ZFY: variants seen among roughly 807,000 people sequenced by gnomAD.
The protein encoded by ZFY is zinc finger Y-chromosomal protein.
For synonymous variants in ZFY, 47 were observed against 55.8 expected (o/e 0.84, Z 0.71); for missense variants, 113 against 170.9 (o/e 0.66, Z 1.89).
chrY:2,963,372 C>T (rs953015634), intron 3 of ZFY, among the ~76,000 whole-genome samples: 1 of 32,971 alleles, frequency 3.0e-5, no homozygotes, highest in African/African-American at 1.2e-4. Context: ...CAAAAGTGCT[C>T]ACTGTTACAC....
rs2051211427 is a variant in ZFY, at chrY:2,935,497, C to T, written c.-301C>T. ...GCGGGGCCTAGTGCGCGCGCAGTAA[C>T]CTGTTTGTGGCCTGGTCGGCGTCCC... On this transcript the variant is annotated 5_prime_UTR_variant, in exon 1 of 8. Transcript: ENST00000155093. 2.9e-5 allele frequency: 1 copy of T among 34,720 alleles called. No homozygotes were observed. Among genetic ancestry groups the T allele is most frequent in the Non-Finnish European group, 7.4e-5 (1 of 13,573 alleles). The allele number at this position is 34,720 out of a possible 400,897, so 8.7% of individuals were successfully genotyped here. A position where few individuals can be genotyped will look rare whatever the true frequency, so the allele number is the denominator to read the frequency against.
chrY:2,945,040 C>T, intron 1 of ZFY, among the ~76,000 whole-genome samples: 1 of 32,271 alleles, frequency 3.1e-5, no homozygotes, highest in African/African-American at 1.2e-4. Flanking sequence ...GCCACCATGC[C>T]TGGCCATGAA....
At chrY:2,978,224 A>T in intron 7 of ZFY, 144 bp downstream of exon 7, 1 of 153,077 alleles carries the variant, frequency 6.5e-6, no homozygotes, top group Non-Finnish European at 1.1e-5. Context: ...TTGTGCATCA[A>T]CCATTCAGGA....
chrY:2,956,174 A>T, intron 2 of ZFY, among the ~76,000 whole-genome samples: 1 of 32,275 alleles, frequency 3.1e-5, no homozygotes, highest in African/African-American at 1.2e-4. Context: ...AATAGTTGAG[A>T]ATCACATACT....
intron 3 of ZFY, among the ~76,000 whole-genome samples, chrY:2,962,496 T>C: frequency 3.0e-5 from 1 of 33,538 alleles, no homozygotes; most frequent in Non-Finnish European, 7.4e-5. Context: ...AGTTTTATAG[T>C]GTAGATTTAG....
chrY:2,936,220 G>A, intron 1 of ZFY, among the ~76,000 whole-genome samples: 1 of 34,197 alleles, frequency 2.9e-5, no homozygotes, highest in African/African-American at 1.1e-4. Context: ...GCCCCTCAGC[G>A]CTCCCGGCTC....
chrY:2,963,737 G>T (rs766730837), intron 3 of ZFY, among the ~76,000 whole-genome samples: 1 of 33,260 alleles, frequency 3.0e-5, no homozygotes. Flanking sequence ...TTGATGATTT[G>T]TTTAATGATT....
chrY:2,963,394 T>C (rs2051316762), intron 3 of ZFY, among the ~76,000 whole-genome samples: 1 of 33,404 alleles, frequency 3.0e-5, no homozygotes, highest in African/African-American at 1.2e-4. Context: ...CTAAGTGCTA[T>C]TGAGATCAAC....
At chrY:2,936,586 A>G (rs2051217091) in intron 1 of ZFY, among the ~76,000 whole-genome samples, 1 of 33,921 alleles carries the variant, frequency 2.9e-5, no homozygotes, top group Non-Finnish European at 7.3e-5. Flanking sequence ...GCTTTTTTTT[A>G]GTCCGTGTAC....
intron 2 of ZFY, among the ~76,000 whole-genome samples, chrY:2,956,994 C>T (rs2051294926): frequency 3.1e-5 from 1 of 32,527 alleles, no homozygotes. Context: ...TGTAACAAAG[C>T]TCTTCTTTCC....
At chrY:2,950,771 C>T in intron 1 of ZFY, among the ~76,000 whole-genome samples, 8 of 33,595 alleles carry the variant, frequency 2.4e-4, no homozygotes, top group Admixed American at 2.7e-4. Flanking sequence ...ATGTATATGA[C>T]GTAAAATTAT....
intron 1 of ZFY, among the ~76,000 whole-genome samples, chrY:2,937,488 C>CA (rs780590951): frequency 8.3e-3 from 44 of 5,308 alleles, no homozygotes; most frequent in Middle Eastern, 0.15. Flanking sequence ...GAGTCTGTCT[C>CA]AAAAAAAAAA....
At chrY:2,956,138 CTT>C (rs2051292395) in intron 2 of ZFY, among the ~76,000 whole-genome samples, 2 of 31,314 alleles carry the variant, frequency 6.4e-5, no homozygotes, top group Admixed American at 6.0e-4. Context: ...CTGAAGGAAT[CTT>C]TTGTTTTTTC....
At chrY:2,952,294 A>G (rs2051281256) in intron 1 of ZFY, among the ~76,000 whole-genome samples, 3 of 34,149 alleles carry the variant, frequency 8.8e-5, no homozygotes, top group Non-Finnish European at 2.2e-4. Flanking sequence ...GGTCACTTCA[A>G]TAATCCAACA....
intron 1 of ZFY, among the ~76,000 whole-genome samples, chrY:2,943,767 T>C (rs2051253106): frequency 2.9e-5 from 1 of 34,005 alleles, no homozygotes; most frequent in Non-Finnish European, 7.3e-5. Flanking sequence ...AACAGACTTG[T>C]CAAATGGTAA....
intron 1 of ZFY, among the ~76,000 whole-genome samples, chrY:2,951,378 A>C: frequency 3.0e-5 from 1 of 33,250 alleles, no homozygotes; most frequent in Admixed American, 2.8e-4. Context: ...TTTCCTAGTC[A>C]TTTGTTTTGG....
intron 1 of ZFY, among the ~76,000 whole-genome samples, chrY:2,947,357 A>G: frequency 2.9e-5 from 1 of 33,971 alleles, no homozygotes; most frequent in Non-Finnish European, 7.3e-5. Context: ...TGGTATTTTC[A>G]TTGAAACGCA....
intron 1 of ZFY, among the ~76,000 whole-genome samples, chrY:2,945,381 A>G (rs2051259369): frequency 4.0e-5 from 1 of 25,143 alleles, no homozygotes; most frequent in East Asian, 1.0e-3. Context: ...TTTTTTTTTC[A>G]GTTTTCTGTG....
intron 1 of ZFY, among the ~76,000 whole-genome samples, chrY:2,938,918 T>G: frequency 4.0e-5 from 1 of 24,844 alleles, no homozygotes; most frequent in Non-Finnish European, 9.2e-5. Flanking sequence ...TTGTTAGTTT[T>G]TAATTTATGT....
Sources: gnomAD v4.1 joint callset for allele counts (sites outside exome capture counted in the v4.1 genomes callset) on GRCh38, gnomAD v4.1.1 for gene constraint, MANE v1.5 for transcripts, NCBI Gene and HGNC (gene_info 2026-07-23, HGNC 2026-07-21) for gene names.